The following TNK1 variants were observed in gnomAD, a reference collection of about 807,000 sequenced individuals.
The protein encoded by TNK1 is tyrosine kinase non receptor 1.
A neutral mutation model predicts 65.2 loss-of-function variants in TNK1; 53 were observed. That is an observed-to-expected ratio of 0.81 (90% CI 0.65 to 1.02). TNK1 has a LOEUF of 1.02. Ranked by LOEUF, TNK1 falls within the 50% of genes least tolerant of loss-of-function variation. The pLI is 0.00. For missense variants in TNK1, 837 were observed against 878.4 expected, an observed-to-expected ratio of 0.95 and a Z score of 0.60; for synonymous variants, 353 against 364.6, an observed-to-expected ratio of 0.97 and a Z score of 0.36.
rs1390520217 is a variant in TNK1 at position 7,383,275 on chromosome 17, G to A, written c.189G>A (p.Leu63=). The A allele has an allele frequency of 1.2e-6, 2 of 1,614,032 alleles. No homozygotes were observed. Among genetic ancestry groups the A allele is most frequent in the Non-Finnish European group, 8.5e-7 (1 of 1,179,904 alleles). The part of the protein sequence containing the change: ...RPAQRRLSEA[L]KRLRSGPKSK... ...CCCAGCGCAGACTGTCCGAAGCTCT[G>A]AAAAGGCTACGTTCTGGGCCTAAGT... Residue 63 remains leucine (L), a synonymous_variant, in exon 3 of 13, where the codon CTG becomes CTA. Transcript: ENST00000688331.
chr17:7,383,553 G>T lies in TNK1; in HGVS notation c.363G>T (p.Leu121=). 2 of 1,613,404 alleles carry T rather than the reference G, an allele frequency of 1.2e-6. No individual in the cohort carries two copies. Among genetic ancestry groups the T allele is most frequent in the Non-Finnish European group, 1.7e-6 (2 of 1,179,654 alleles). The change falls in exon 4 of 13, where the codon CTG becomes CTT. Residue 121 remains leucine, a synonymous_variant. Coordinates refer to ENST00000688331, the MANE Select transcript of TNK1 (RefSeq NM_003985.6). ...IPEGAVCRGE[L]LGSGCFGVVH... ...AGGGTGCTGTTTGCAGAGGGGAGCT[G>T]CTGGGTTCAGGCTGCTTCGGTGTGG...
At chr17:7,387,265 C>T in intron 9 of TNK1, 111 bp downstream of exon 9, 2 of 1,502,870 alleles carry the variant, frequency 1.3e-6, no homozygotes. Context: ...CTGCAGCCTC[C>T]ACCCTGGGCC....
chr17:7,382,731 C>T lies in TNK1; in HGVS notation c.-91-105C>T. The T allele has an allele frequency of 1.6e-6, 1 of 623,478 alleles. No individual in the cohort carries two copies. The highest frequency in any genetic ancestry group is 2.7e-6 in the Non-Finnish European group (1 of 364,682). 38.6% of individuals were successfully genotyped at this position (623,478 alleles called of 1,614,324 possible). On this transcript the variant is annotated intron_variant, in intron 1 of 12. Transcript: ENST00000688331. The surrounding 1 kb of genome is among the most constrained non-coding windows in gnomAD (Gnocchi z 4.1). ...GGGACAGAGTACCCGGATGCCTGGG[C>T]ACGGGGAACATTCTATCTGGGATTT...
Position 7,388,297 on chromosome 17 carries a change from C to A in TNK1, c.1478-109C>A. 8.9e-7 allele frequency: 1 copy of A among 1,120,308 alleles called. No individual in the cohort carries two copies. Among genetic ancestry groups the A allele is most frequent in the Non-Finnish European group, 1.3e-6 (1 of 792,144 alleles). 69.4% of individuals were successfully genotyped at this position (1,120,308 alleles called of 1,614,324 possible). On this transcript the variant is annotated intron_variant, in intron 10 of 12. Coordinates refer to ENST00000688331, the MANE Select transcript of TNK1 (RefSeq NM_003985.6). The surrounding 1 kb of genome is among the most constrained non-coding windows in gnomAD (Gnocchi z 4.5). ...AAAATTAGCCAGTCGTAATGGCAGG[C>A]ACCTATAGTCCCAGCTACTCGGGAG...
intron 7 of TNK1, 89 bp from the exon 8 acceptor site, chr17:7,386,472 C>G (rs992162108): frequency 1.9e-6 from 2 of 1,026,894 alleles, no homozygotes; most frequent in Non-Finnish European, 3.0e-6. Flanking sequence ...AGACTACATA[C>G]AGAGCGGAGC....
intron 7 of TNK1, 25 bp downstream of exon 7, chr17:7,384,779 T>TA: frequency 6.4e-7 from 1 of 1,556,652 alleles, no homozygotes; most frequent in South Asian, 1.2e-5. Flanking sequence ...CCTCACCAGA[T>TA]ACACAGTCCC....
At chr17:7,385,570 G>T (rs966738606) in intron 7 of TNK1, among the ~76,000 whole-genome samples, 15 of 71,648 alleles carry the variant, frequency 2.1e-4, no homozygotes, top group Non-Finnish European at 3.2e-4. Context: ...ATTATTATTA[G>T]TAGTATTTTA....
rs1044207939 is a variant in TNK1 at position 7,388,525 on chromosome 17, C to G, written c.1597C>G (p.Pro533Ala). 6.2e-7 allele frequency: 1 copy of G among 1,613,990 alleles called. No homozygotes were observed. The change falls in exon 11 of 13, where the codon CCA becomes GCA. Residue 533 changes from proline (P) to alanine (A), a missense_variant. Pro to Ala is a conservative substitution (Grantham distance 27). Coordinates refer to ENST00000688331, the MANE Select transcript of TNK1 (RefSeq NM_003985.6). The surrounding 1 kb of genome is among the most constrained non-coding windows in gnomAD (Gnocchi z 4.5). ...AVPQGPPGLP[P>A]RPPLSSSSPQ... ...GCCCCAGGGACCTCCAGGCCTGCCT[C>G]CACGCCCACCTTTATCCTCTAGCTC...
In TNK1 at chr17:7,383,492, C is replaced by G. The variant is rs376702418; in HGVS notation, c.302C>G (p.Pro101Arg). 2 of 1,613,786 alleles carry G rather than the reference C, an allele frequency of 1.2e-6. No homozygotes were observed. The highest frequency in any genetic ancestry group is 1.3e-5 in the African/African-American group (1 of 74,938). ...TLPSDSPRHL[P>R]EPEGGLKCLI... ...CCCTCGGACAGCCCACGGCACCTCC[C>G]TGAGCCAGAGGGGGGCCTCAAGTGT... is the stretch of plus-strand genomic sequence containing the variant. The change falls in exon 4 of 13, where the codon CCT becomes CGT. Residue 101 changes from proline to arginine, a missense_variant. Coordinates refer to ENST00000688331, the MANE Select transcript of TNK1 (RefSeq NM_003985.6).
rs1904990325 is a variant in TNK1 at position 7,383,792 on chromosome 17, G to A, written c.510G>A (p.Ser170=). 3 of 1,613,160 alleles carry A rather than the reference G, an allele frequency of 1.9e-6. No individual in the cohort carries two copies. Among genetic ancestry groups the A allele is most frequent in the Non-Finnish European group, 2.5e-6 (3 of 1,179,564 alleles). Residue 170 remains serine, a synonymous_variant, in exon 5 of 13, where the codon TCG becomes TCA. Coordinates refer to ENST00000688331, the MANE Select transcript of TNK1 (RefSeq NM_003985.6). ...TELGDFLREV[S]VMMNLEHPHV... ...TGGGGGACTTCCTGCGAGAGGTATC[G>A]GTCATGATGAACTTGGAGCACCCAC... is the stretch of plus-strand genomic sequence containing the variant.
chr17:7,389,334 G>A lies in TNK1; in HGVS notation c.*250G>A. 1.8e-6 allele frequency: 1 copy of A among 550,186 alleles called. No homozygotes were observed. The highest frequency in any genetic ancestry group is 2.7e-5 in the South Asian group (1 of 37,710). The allele number at this position is 550,186 out of a possible 1,614,324, so 34.1% of individuals were successfully genotyped here. ...GGCTGGGCCAAGAAGGATCTAGTCT[G>A]CCCACTACATTCTCAAACAAGAGGA... On this transcript the variant is annotated 3_prime_UTR_variant, in exon 13 of 13. Coordinates refer to ENST00000688331, the MANE Select transcript of TNK1 (RefSeq NM_003985.6).
Position 7,389,408 on chromosome 17 carries a change from G to A in TNK1, c.*324G>A, listed in dbSNP as rs971081463. On this transcript the variant is annotated 3_prime_UTR_variant, in exon 13 of 13. Transcript: ENST00000688331. ...CATCATATGCAGAGGAAGCTTCTAC[G>A]CGCTAGAGAGGATCAAGGGGCCACA... is the stretch of plus-strand genomic sequence containing the variant. 26 of 476,476 alleles carry A rather than the reference G, an allele frequency of 5.5e-5. No homozygotes were observed. Among genetic ancestry groups the A allele is most frequent in the Non-Finnish European group, 9.2e-5 (25 of 271,176 alleles). 29.5% of individuals were successfully genotyped at this position (476,476 alleles called of 1,614,324 possible).
intron 7 of TNK1, among the ~76,000 whole-genome samples, chr17:7,385,628 G>C (rs1446216114): frequency 6.6e-6 from 1 of 152,024 alleles, no homozygotes; most frequent in South Asian, 2.1e-4. Context: ...GCAGTGGTGG[G>C]ATCTTGGCTC....
Position 7,382,741 on chromosome 17 carries a change from A to AT in TNK1, c.-91-93dup. 1 of 656,156 alleles carries AT rather than the reference A, an allele frequency of 1.5e-6. No homozygotes were observed. 40.6% of individuals were successfully genotyped at this position (656,156 alleles called of 1,614,324 possible). On this transcript the variant is annotated intron_variant, in intron 1 of 12. Coordinates refer to ENST00000688331, the MANE Select transcript of TNK1 (RefSeq NM_003985.6). The surrounding 1 kb of genome is among the most constrained non-coding windows in gnomAD (Gnocchi z 4.1). ...ACCCGGATGCCTGGGCACGGGGAAC[A>AT]TTCTATCTGGGATTTGTGTGCGTGA...
intron 7 of TNK1, 140 bp downstream of exon 7, chr17:7,384,894 T>C: frequency 8.5e-7 from 1 of 1,171,328 alleles, no homozygotes; most frequent in Non-Finnish European, 1.2e-6. Context: ...ATGCAGTCCC[T>C]ACCTGCAGGG....
intron 2 of TNK1, 43 bp from the exon 3 acceptor site, chr17:7,383,207 C>T: frequency 6.2e-7 from 1 of 1,613,700 alleles, no homozygotes; most frequent in African/African-American, 1.3e-5. Context: ...GCACTCTTCC[C>T]CACACCCACC....
Position 7,383,857 on chromosome 17 carries a change from T to A in TNK1, c.575T>A (p.Leu192Gln). Residue 192 changes from leucine (L) to glutamine (Q), a missense_variant, in exon 5 of 13, where the codon CTG becomes CAG. Leu to Gln is a moderately radical substitution (Grantham distance 113). Transcript: ENST00000688331. ...CACGGCCTTGTACTGGGCCAGCCTC[T>A]GCAGATGGTGAGCAGATCCAGCCGC... ...RLHGLVLGQPLQMVMELAPLG... is the reference protein window; with the variant it reads ...RLHGLVLGQPQQMVMELAPLG... 1 of 1,609,048 alleles carries A rather than the reference T, an allele frequency of 6.2e-7. No individual in the cohort carries two copies. Among genetic ancestry groups the A allele is most frequent in the African/African-American group, 1.3e-5 (1 of 74,962 alleles).
intron 7 of TNK1, among the ~76,000 whole-genome samples, chr17:7,385,721 C>G (rs573194897): frequency 6.6e-6 from 1 of 151,974 alleles, no homozygotes; most frequent in Non-Finnish European, 1.5e-5. Flanking sequence ...CCTGCCACCA[C>G]GCCTGGCTAA....
Position 7,388,691 on chromosome 17 carries a change from G to A in TNK1, c.1763G>A (p.Arg588Lys). Residue 588 changes from arginine to lysine, a missense_variant, in exon 11 of 13, where the codon AGG becomes AAG. Transcript: ENST00000688331. This position sits in a 1 kb window ranked among gnomAD's most constrained non-coding sequence, Gnocchi z 4.5. ...CTCTTGTCCGATCCTGAGTTGCAGA[G>A]GAAGATTATGGAGGTGAGGTCTCAC... ...GGLLSDPELQ[R>K]KIMEVELSVH... The A allele has an allele frequency of 6.2e-7, 1 of 1,613,094 alleles. No individual in the cohort carries two copies. The highest frequency in any genetic ancestry group is 8.5e-7 in the Non-Finnish European group (1 of 1,179,412).
Sources: gnomAD v4.1 joint callset for allele counts (sites outside exome capture counted in the v4.1 genomes callset) on GRCh38, gnomAD v4.1.1 for gene constraint, Gnocchi (gnomAD v3.1) non-coding constraint, MANE v1.5 for transcripts, NCBI Gene and HGNC (gene_info 2026-07-23, HGNC 2026-07-21) for gene names.